The following LRRC4C variants were observed in gnomAD, a reference collection of about 807,000 sequenced individuals.
The protein encoded by LRRC4C is leucine rich repeat containing 4C.
A neutral mutation model predicts 33.6 loss-of-function variants in LRRC4C; 5 were observed. The ratio of observed to expected loss-of-function variants is 0.15; its 90% confidence interval spans 0.08 to 0.31. The LOEUF is 0.31. Among genes scored for constraint, LRRC4C ranks in the 10% least tolerant of loss-of-function variants. LRRC4C has a pLI of 1.00. For synonymous variants in LRRC4C, 329 were observed against 302.0 expected (o/e 1.09, Z -0.93); for missense variants, 560 against 796.7 (o/e 0.70, Z 3.58).
At chr11:40,173,216 G>T (rs1016168519) in intron 5 of LRRC4C, among the ~76,000 whole-genome samples, 2 of 152,128 alleles carry the variant, frequency 1.3e-5, no homozygotes, top group Admixed American at 6.5e-5. Context: ...CTAGTTTGTG[G>T]CACTTGGCAA....
rs998130266 is a variant in LRRC4C at position 40,781,477 on chromosome 11, G to C, written c.-406-133199C>G. 1.6e-4 allele frequency among the ~76,000 whole-genome samples: 25 copies of C among 152,040 alleles called. 1 individual carries two copies. ...ACAACATTCTGTGTTATTTAACGTA[G>C]GTTTGGGCCAGCTCTTAGCCTTTAT... On this transcript the variant is annotated intron_variant, in intron 2 of 6. Coordinates refer to ENST00000528697, the MANE Select transcript of LRRC4C (RefSeq NM_001258419.2).
At chr11:40,236,149 C>T (rs1021180976) in intron 5 of LRRC4C, among the ~76,000 whole-genome samples, 11 of 151,010 alleles carry the variant, frequency 7.3e-5, no homozygotes, top group East Asian at 1.9e-4. Context: ...AGCTCTAAGA[C>T]CCAGATTTGG....
intron 1 of LRRC4C, among the ~76,000 whole-genome samples, chr11:41,068,872 A>G (rs747806550): frequency 3.9e-5 from 6 of 152,200 alleles, no homozygotes; most frequent in Non-Finnish European, 8.8e-5. Flanking sequence ...TCCTTCTGAA[A>G]CTATTTGAAA....
intron 5 of LRRC4C, among the ~76,000 whole-genome samples, chr11:40,144,569 G>A (rs12222471): frequency 0.015 from 2,271 of 152,254 alleles, 105 homozygotes; most frequent in East Asian, 0.14. Flanking sequence ...GAAAGATGAT[G>A]ATGAAGATTG....
chr11:40,480,661 C>A (rs940045471), intron 3 of LRRC4C, among the ~76,000 whole-genome samples: 2 of 151,944 alleles, frequency 1.3e-5, no homozygotes, highest in African/African-American at 4.8e-5. Context: ...TGTATAGACA[C>A]AGATTCTTTG....
chr11:40,819,563 T>C (rs1951839633), intron 2 of LRRC4C, among the ~76,000 whole-genome samples: 1 of 152,080 alleles, frequency 6.6e-6, no homozygotes, highest in African/African-American at 2.4e-5. Flanking sequence ...CATTGCATGG[T>C]TGGGGAAAAT....
intron 1 of LRRC4C, among the ~76,000 whole-genome samples, chr11:41,389,680 G>A (rs928583082): frequency 5.4e-5 from 5 of 92,872 alleles, no homozygotes; most frequent in Non-Finnish European, 1.1e-4. Context: ...TTGAAAAGAG[G>A]TGCTTCTACT....
intron 3 of LRRC4C, among the ~76,000 whole-genome samples, chr11:40,609,301 A>G (rs891482413): frequency 3.9e-5 from 6 of 152,102 alleles, no homozygotes; most frequent in Non-Finnish European, 8.8e-5. Context: ...AAATTAAGCA[A>G]TGAACTCCTA....
intron 4 of LRRC4C, among the ~76,000 whole-genome samples, chr11:40,295,567 G>C (rs772146198): frequency 1.3e-5 from 2 of 152,164 alleles, no homozygotes; most frequent in South Asian, 4.2e-4. Context: ...TTCCTCTTCT[G>C]TTCCCATTAT....
At chr11:40,523,760 G>C (rs56331710) in intron 3 of LRRC4C, among the ~76,000 whole-genome samples, 9,791 of 151,976 alleles carry the variant, frequency 0.064, 817 homozygotes, top group African/African-American at 0.2. Context: ...TTTGGAAAGA[G>C]AACTAATTTT....
At chr11:41,424,341 A>C (rs1565662108) in intron 1 of LRRC4C, among the ~76,000 whole-genome samples, 1 of 151,974 alleles carries the variant, frequency 6.6e-6, no homozygotes, top group Non-Finnish European at 1.5e-5. Context: ...AATTCTCACA[A>C]CCTTCAGATT....
At chr11:40,863,017 T>C (rs1565146420) in intron 2 of LRRC4C, among the ~76,000 whole-genome samples, 2 of 152,202 alleles carry the variant, frequency 1.3e-5, no homozygotes, top group Non-Finnish European at 2.9e-5. Context: ...CATCTTTTAC[T>C]CCTTTCAATA....
intron 5 of LRRC4C, among the ~76,000 whole-genome samples, chr11:40,200,137 G>A (rs112677917): frequency 0.039 from 4,989 of 128,686 alleles, 125 homozygotes; most frequent in Non-Finnish European, 0.057. Flanking sequence ...GAGGCCAGGA[G>A]TTCAAGACTT....
chr11:40,968,154 G>A (rs996590843), intron 1 of LRRC4C, among the ~76,000 whole-genome samples: 1 of 152,058 alleles, frequency 6.6e-6, no homozygotes, highest in Non-Finnish European at 1.5e-5. Flanking sequence ...AAGTTTTCAT[G>A]GTCTAGATGG....
chr11:40,227,576 G>T (rs541568437), intron 5 of LRRC4C, among the ~76,000 whole-genome samples: 1 of 152,216 alleles, frequency 6.6e-6, no homozygotes, highest in South Asian at 2.1e-4. Context: ...AAGGGAAAGA[G>T]GTGAAAAGTC....
At chr11:41,380,954 G>A (rs1418683711) in intron 1 of LRRC4C, among the ~76,000 whole-genome samples, 3 of 152,104 alleles carry the variant, frequency 2.0e-5, no homozygotes, top group African/African-American at 7.2e-5. Context: ...TAGAAGTGAA[G>A]AAGAAAAATG....
intron 2 of LRRC4C, among the ~76,000 whole-genome samples, chr11:40,782,517 C>A (rs982708539): frequency 6.6e-6 from 1 of 151,876 alleles, no homozygotes; most frequent in Non-Finnish European, 1.5e-5. Flanking sequence ...AACTGAAATG[C>A]CCAGTTGAAT....
intron 3 of LRRC4C, among the ~76,000 whole-genome samples, chr11:40,508,929 T>A (rs1006304797): frequency 6.6e-6 from 1 of 150,708 alleles, no homozygotes; most frequent in Non-Finnish European, 1.5e-5. Flanking sequence ...ACCTATCAAA[T>A]TGACAAAGCT....
At chr11:41,106,839 G>T (rs978969459) in intron 1 of LRRC4C, among the ~76,000 whole-genome samples, 4 of 151,782 alleles carry the variant, frequency 2.6e-5, no homozygotes, top group African/African-American at 9.7e-5. Context: ...AAGATGGCGA[G>T]ACCCTACTTC....
Sources: allele counts gnomAD v4.1 joint callset (sites outside exome capture counted in the v4.1 genomes callset), GRCh38; gene constraint gnomAD v4.1.1; transcripts MANE v1.5; gene names NCBI Gene and HGNC (gene_info 2026-07-23, HGNC 2026-07-21).